Variants in NRCAM observed in about 807,000 individuals in gnomAD.
NRCAM encodes NgCAM-related cell adhesion molecule.
NRCAM carries 83 observed loss-of-function variants against 156.5 expected under a neutral mutation model. The ratio of observed to expected loss-of-function variants is 0.53; its 90% confidence interval spans 0.44 to 0.64. The LOEUF (loss-of-function observed/expected upper bound fraction) is 0.64. NRCAM is among the 30% of genes least tolerant of loss of function. The pLI, the probability that NRCAM is intolerant of heterozygous loss-of-function variation, is 0.00. For synonymous variants in NRCAM, 538 were observed against 563.9 expected (o/e 0.95, Z 0.65); for missense variants, 1,417 against 1,597.3 (o/e 0.89, Z 1.92).
At chr7:108,303,112 C>T (rs2098655074) in intron 3 of NRCAM, among the ~76,000 whole-genome samples, 1 of 152,114 alleles carries the variant, frequency 6.6e-6, no homozygotes, top group African/African-American at 2.4e-5. Flanking sequence ...CAGACACGTG[C>T]CACCACGCCC....
In NRCAM at chr7:108,184,328, C is replaced by G. The variant is rs769980135; in HGVS notation, c.2234-17G>C. 7 of 1,613,924 alleles carry G rather than the reference C, an allele frequency of 4.3e-6. No individual in the cohort carries two copies. The highest frequency in any genetic ancestry group is 5.9e-6 in the Non-Finnish European group (7 of 1,179,934). On this transcript the variant is annotated splice_polypyrimidine_tract_variant and intron_variant, in intron 21 of 32. Transcript: ENST00000379028. The stretch of plus-strand genomic sequence containing the variant: ...TATCTGGTTCTGGAAGTTAAGCAGC[C>G]ACACATGTGTAAGCTTTGGCCTTTT...
chr7:108,195,862 T>C lies in NRCAM; in HGVS notation c.1362A>G (p.Pro454=). ...NAFVNVLAEP[P]RILTPANTLY... ...GTGTGTTTGCAGGTGTGAGGATTCG[T>C]GGTGGCTCAGCTACAAATATTTTTA... is the stretch of plus-strand genomic sequence containing the variant. The change falls in exon 15 of 33, where the codon CCA becomes CCG. Residue 454 remains proline, a synonymous_variant. Coordinates refer to ENST00000379028, the MANE Select transcript of NRCAM (RefSeq NM_001037132.4). 6.2e-7 allele frequency: 1 copy of C among 1,607,186 alleles called. No homozygotes were observed. The highest frequency in any genetic ancestry group is 2.2e-5 in the East Asian group (1 of 44,848).
intron 1 of NRCAM, among the ~76,000 whole-genome samples, chr7:108,445,930 C>T (rs1011592438): frequency 1.1e-4 from 16 of 152,178 alleles, no homozygotes; most frequent in African/African-American, 3.9e-4. Flanking sequence ...ATCTGTTTCA[C>T]AAACCAGTCT....
chr7:108,355,149 A>C (rs1448958108), intron 2 of NRCAM, among the ~76,000 whole-genome samples: 2 of 152,254 alleles, frequency 1.3e-5, no homozygotes, highest in African/African-American at 2.4e-5. Flanking sequence ...CCAAAGTCCC[A>C]TGTAATTTTT....
chr7:108,346,816 G>A (rs1490029514), intron 2 of NRCAM, among the ~76,000 whole-genome samples: 1 of 152,090 alleles, frequency 6.6e-6, no homozygotes, highest in African/African-American at 2.4e-5. Context: ...GAAACTACAT[G>A]AGTACATACA....
intron 1 of NRCAM, among the ~76,000 whole-genome samples, chr7:108,433,467 C>T (rs1828264280): frequency 6.6e-6 from 1 of 152,172 alleles, no homozygotes; most frequent in Admixed American, 6.5e-5. Context: ...AGACATGAAC[C>T]TCACGTTGAA....
At chr7:108,153,823 T>C (rs2043184016) in intron 32 of NRCAM, among the ~76,000 whole-genome samples, 3 of 152,170 alleles carry the variant, frequency 2.0e-5, no homozygotes, top group African/African-American at 7.2e-5. Context: ...TATTATTCCA[T>C]TTATGAGACC....
intron 2 of NRCAM, among the ~76,000 whole-genome samples, chr7:108,389,405 T>C (rs984525295): frequency 2.0e-5 from 3 of 152,238 alleles, no homozygotes; most frequent in African/African-American, 7.2e-5. Context: ...ATATTGATTT[T>C]GTATCCTGAG....
chr7:108,277,399 C>A (rs2097677600), intron 3 of NRCAM, among the ~76,000 whole-genome samples: 1 of 152,164 alleles, frequency 6.6e-6, no homozygotes, highest in African/African-American at 2.4e-5. Flanking sequence ...GGTATTTTCA[C>A]ATTGTCCCAT....
chr7:108,190,446 T>C (rs1002539094), intron 19 of NRCAM, among the ~76,000 whole-genome samples: 4 of 152,166 alleles, frequency 2.6e-5, no homozygotes, highest in Non-Finnish European at 4.4e-5. Flanking sequence ...TCTCTGGCTC[T>C]TAGGGGACCA....
intron 3 of NRCAM, among the ~76,000 whole-genome samples, chr7:108,252,702 C>G (rs2096424214): frequency 6.6e-6 from 1 of 152,160 alleles, no homozygotes; most frequent in African/African-American, 2.4e-5. Flanking sequence ...ACACCTAGTT[C>G]TTCTGTACAG....
chr7:108,288,263 G>A (rs2098171957), intron 3 of NRCAM, among the ~76,000 whole-genome samples: 1 of 151,948 alleles, frequency 6.6e-6, no homozygotes, highest in Admixed American at 6.6e-5. Flanking sequence ...GGGGGATGAG[G>A]GATGAAAAAT....
chr7:108,352,257 C>T (rs192551915), intron 2 of NRCAM, among the ~76,000 whole-genome samples: 137 of 152,270 alleles, frequency 9.0e-4, no homozygotes, highest in African/African-American at 3.1e-3. Flanking sequence ...CTGGAGTCCA[C>T]CAGTCCATTA....
chr7:108,358,591 C>A (rs577605865), intron 2 of NRCAM, among the ~76,000 whole-genome samples: 1 of 152,226 alleles, frequency 6.6e-6, no homozygotes, highest in South Asian at 2.1e-4. Flanking sequence ...ACTGGTAATG[C>A]ACAGAGCTCC....
At chr7:108,412,307 T>C (rs1796392652) in intron 1 of NRCAM, among the ~76,000 whole-genome samples, 1 of 151,266 alleles carries the variant, frequency 6.6e-6, no homozygotes, top group Non-Finnish European at 1.5e-5. Flanking sequence ...ACAGCAAATG[T>C]CTGAAATCTA....
At chr7:108,150,705 A>T (rs1314250495) in intron 32 of NRCAM, 5 of 533,672 alleles carry the variant, frequency 9.4e-6, no homozygotes, top group Non-Finnish European at 1.9e-5. Flanking sequence ...CTTTCAAGAG[A>T]CCTACAAAAT....
At chr7:108,448,383 C>T (rs990291553) in intron 1 of NRCAM, among the ~76,000 whole-genome samples, 1 of 152,134 alleles carries the variant, frequency 6.6e-6, no homozygotes, top group Non-Finnish European at 1.5e-5. Context: ...TATACATTTA[C>T]AAAAATGGCT....
chr7:108,294,459 T>A (rs926576221), intron 3 of NRCAM, among the ~76,000 whole-genome samples: 1 of 152,136 alleles, frequency 6.6e-6, no homozygotes, highest in Non-Finnish European at 1.5e-5. Context: ...TCCATTTTCC[T>A]GCTGAATGTT....
chr7:108,164,166 G>A (rs111606579), intron 30 of NRCAM, among the ~76,000 whole-genome samples: 436 of 78,600 alleles, frequency 5.5e-3, no homozygotes, highest in Admixed American at 0.011. Flanking sequence ...AGGTCATACC[G>A]GGTGGGGTGG....
Sources: gnomAD v4.1 joint callset for allele counts (sites outside exome capture counted in the v4.1 genomes callset) on GRCh38, gnomAD v4.1.1 for gene constraint, MANE v1.5 for transcripts, NCBI Gene and HGNC (gene_info 2026-07-23, HGNC 2026-07-21) for gene names.